The following PFAS variants were observed in gnomAD, a reference collection of about 807,000 sequenced individuals.
PFAS encodes FGAM synthase.
PFAS carries 97 observed loss-of-function variants against 140.6 expected under a neutral mutation model. That is an observed-to-expected ratio of 0.69 (90% CI 0.59 to 0.82). The LOEUF is 0.82. PFAS is among the 40% of genes least tolerant of loss of function. The pLI is 0.00. For synonymous variants in PFAS, 679 were observed against 718.8 expected, an observed-to-expected ratio of 0.94 and a Z score of 0.88; for missense variants, 1,656 against 1,780.2, an observed-to-expected ratio of 0.93 and a Z score of 1.26.
intron 14 of PFAS, 31 bp from the exon 15 acceptor site, chr17:8,263,744 C>G (rs752524031): frequency 6.2e-7 from 1 of 1,610,430 alleles, no homozygotes; most frequent in South Asian, 1.1e-5. Context: ...CCCACTGGCC[C>G]TTCTCTTTCC....
chr17:8,264,956 C>A lies in PFAS; in HGVS notation c.2111C>A (p.Pro704His). Residue 704 changes from proline (P) to histidine (H), a missense_variant, in exon 18 of 28, where the codon CCT becomes CAT. By Grantham distance (77) the Pro-to-His change is moderately conservative. Around this residue, in one of 2 missense-constraint regions of PFAS, gnomAD observed 883 missense variants for 1,023.0 expected, o/e 0.86. Coordinates refer to ENST00000314666, the MANE Select transcript of PFAS (RefSeq NM_012393.3). ...QQQCVGPLQT[P>H]LADVAVVALS... ...CAGTGCGTGGGGCCCCTGCAAACTCCTCTGGCAGATGTAGCGGTTGTGGCA... is the reference window on the plus strand; with the variant it reads ...CAGTGCGTGGGGCCCCTGCAAACTCATCTGGCAGATGTAGCGGTTGTGGCA... 2.5e-6 allele frequency: 4 copies of A among 1,611,700 alleles called. No homozygotes were observed. Among genetic ancestry groups the A allele is most frequent in the Non-Finnish European group, 3.4e-6 (4 of 1,178,726 alleles).
chr17:8,258,343 C>T (rs1989458480), intron 11 of PFAS, 144 bp downstream of exon 11: 3 of 905,370 alleles, frequency 3.3e-6, no homozygotes, highest in African/African-American at 1.7e-5. Context: ...ATGGACAACT[C>T]ATTCTGAGAA....
rs1350656215 is a variant in PFAS, at chr17:8,267,769, T to C, written c.3382+104T>C. On this transcript the variant is annotated intron_variant, in intron 26 of 27. Transcript: ENST00000314666. The surrounding 1 kb of genome is among the most constrained non-coding windows in gnomAD (Gnocchi z 4.9). ...GGATTGGCCTCTCACTCCACCGAGC[T>C]ACGAGAGAGTGGGCCCATTCGTTCT... 3 of 614,538 alleles carry C rather than the reference T, an allele frequency of 4.9e-6. No homozygotes were observed. In the East Asian group the frequency reaches 8.5e-5, roughly 17 times the overall value. 38.1% of individuals were successfully genotyped at this position (614,538 alleles called of 1,614,324 possible).
chr17:8,269,078 C>T lies in PFAS; in HGVS notation c.3831C>T (p.Ser1277=), dbSNP rs1331611827. ...TEQYPLNPNG[S]PGGVAGICSC... is the part of the protein sequence containing the mutation. ...AGTACCCTCTGAATCCCAATGGGTC[C>T]CCAGGGGGCGTGGCTGGCATCTGCT... Residue 1277 remains serine (S), a synonymous_variant, in exon 28 of 28, where the codon TCC becomes TCT. Transcript: ENST00000314666. 1 of 1,614,052 alleles carries T rather than the reference C, an allele frequency of 6.2e-7. No individual in the cohort carries two copies. The highest frequency in any genetic ancestry group is 8.5e-7 in the Non-Finnish European group (1 of 1,180,022).
rs201672276 is a variant in PFAS, at chr17:8,257,879, T to A, written c.1148T>A (p.Ile383Asn). ...TTTGCCCGGCCCCTGGAGGTTGCCATTGAAGCCAGTAATGGAGCTTCTGAC... is the reference window on the plus strand; with the variant it reads ...TTTGCCCGGCCCCTGGAGGTTGCCAATGAAGCCAGTAATGGAGCTTCTGAC... ...GNFARPLEVAIEASNGASDYG... is the reference protein window; with the variant it reads ...GNFARPLEVANEASNGASDYG... Residue 383 changes from isoleucine (I) to asparagine (N), a missense_variant, in exon 10 of 28, where the codon ATT becomes AAT. Transcript: ENST00000314666. 1.2e-6 allele frequency: 2 copies of A among 1,614,162 alleles called. No individual in the cohort carries two copies. The highest frequency in any genetic ancestry group is 1.7e-6 in the Non-Finnish European group (2 of 1,180,012).
At chr17:8,259,324 A>T (rs1989500357) in intron 11 of PFAS, among the ~76,000 whole-genome samples, 1 of 152,008 alleles carries the variant, frequency 6.6e-6, no homozygotes, top group Non-Finnish European at 1.5e-5. Flanking sequence ...AGGCTGAAGA[A>T]CAGTGGTTCT....
Position 8,253,996 on chromosome 17 carries a change from G to T in PFAS, c.59G>T (p.Gly20Val), listed in dbSNP as rs769172804. Residue 20 changes from glycine (G) to valine (V), a missense_variant, in exon 2 of 28, where the codon GGA becomes GTA. This residue lies in a region of PFAS where 773 missense variants were observed against 757.3 expected (regional missense o/e 1.02). Transcript: ENST00000314666. ...RPSGHEGAAPGHTRRKLQGKL... is the reference protein window; with the variant it reads ...RPSGHEGAAPVHTRRKLQGKL... ...TCTGGCCATGAGGGGGCAGCCCCTG[G>T]ACACACTCGGAGGAAACTGCAAGGG... The T allele has an allele frequency of 1.9e-6, 3 of 1,614,132 alleles. No individual in the cohort carries two copies. In the South Asian group the frequency reaches 3.3e-5, roughly 18 times the overall value.
Position 8,263,682 on chromosome 17 carries a change from C to T in PFAS, c.1629+46C>T, listed in dbSNP as rs1208704196. Reference sequence around the variant, plus strand: ...TGTGACATTTTCCCACCCCTGCCAGCCCCAGCCCGCTTCCACCCATCTCTC... The same window carrying T: ...TGTGACATTTTCCCACCCCTGCCAGTCCCAGCCCGCTTCCACCCATCTCTC... On this transcript the variant is annotated intron_variant, in intron 14 of 27. Coordinates refer to ENST00000314666, the MANE Select transcript of PFAS (RefSeq NM_012393.3). 5 of 1,604,276 alleles carry T rather than the reference C, an allele frequency of 3.1e-6. No individual in the cohort carries two copies. In the African/African-American group the frequency reaches 6.7e-5, roughly 21 times the overall value.
intron 11 of PFAS, 32 bp from the exon 12 acceptor site, chr17:8,262,888 C>T (rs1207674050): frequency 1.3e-6 from 2 of 1,575,982 alleles, no homozygotes; most frequent in Admixed American, 3.3e-5. Context: ...GTGGCTTCCC[C>T]AGTGTTCTGA....
chr17:8,264,187 T>TG, intron 15 of PFAS, 25 bp from the exon 16 acceptor site: 1 of 1,613,050 alleles, frequency 6.2e-7, no homozygotes, highest in Non-Finnish European at 8.5e-7. Flanking sequence ...TCATCCCCTC[T>TG]GGGTGGGGTC....
At position 8,259,357 on chromosome 17, in the gene PFAS, A is replaced by G. The variant is rs535212824; in HGVS notation, c.1336+1158A>G. 9.9e-4 allele frequency among the ~76,000 whole-genome samples: 150 copies of G among 152,160 alleles called. 1 individual carries two copies. The highest frequency in any genetic ancestry group is 3.4e-3 in the African/African-American group (141 of 41,532). On this transcript the variant is annotated intron_variant, in intron 11 of 27. Transcript: ENST00000314666. ...TCTGTCCTAGCTCACTGTGGCCTTGAGCTCCTGGGCTCAAGCAGTTCTCCT... is the reference window on the plus strand; with the variant it reads ...TCTGTCCTAGCTCACTGTGGCCTTGGGCTCCTGGGCTCAAGCAGTTCTCCT...
chr17:8,266,610 G>T lies in PFAS; in HGVS notation c.2822-143G>T. ...AAACATCCTCAGTCCTGCCGTCCTAGCCCTCATCCTCCCTGATCCCTACCC... is the reference window on the plus strand; with the variant it reads ...AAACATCCTCAGTCCTGCCGTCCTATCCCTCATCCTCCCTGATCCCTACCC... On this transcript the variant is annotated intron_variant, in intron 22 of 27. Transcript: ENST00000314666. The surrounding 1 kb of genome is among the most constrained non-coding windows in gnomAD (Gnocchi z 5.0). 6.7e-7 allele frequency: 1 copy of T among 1,489,440 alleles called. No homozygotes were observed. Among genetic ancestry groups the T allele is most frequent in the East Asian group, 2.3e-5 (1 of 43,214 alleles). The allele number at this position is 1,489,440 out of a possible 1,614,324, so 92.3% of individuals were successfully genotyped here.
Position 8,258,076 on chromosome 17 carries a change from G to C in PFAS, c.1213G>C (p.Ala405Pro). 4 of 1,614,110 alleles carry C rather than the reference G, an allele frequency of 2.5e-6. No homozygotes were observed. The highest frequency in any genetic ancestry group is 3.4e-6 in the Non-Finnish European group (4 of 1,180,030). Reference sequence around the variant, plus strand: ...CTCTGATGTTCACACTCCAGGCTTCGCCCGCTCCTTGGGCCTCCAGCTCCC... The same window carrying C: ...CTCTGATGTTCACACTCCAGGCTTCCCCCGCTCCTTGGGCCTCCAGCTCCC... ...KFGEPVLAGF[A>P]RSLGLQLPDG... Residue 405 changes from alanine (A) to proline (P), a missense_variant, in exon 11 of 28, where the codon GCC (alanine) becomes CCC (proline). Around this residue, in one of 2 missense-constraint regions of PFAS, gnomAD observed 773 missense variants for 757.3 expected, o/e 1.02. Transcript: ENST00000314666.
chr17:8,247,817 G>T, upstream of PFAS: 1 of 620,924 alleles, frequency 1.6e-6, no homozygotes, highest in Non-Finnish European at 2.9e-6. Flanking sequence ...AGCGGGCGCC[G>T]CGTGAATGAG....
chr17:8,252,502 C>T (rs940240094), intron 1 of PFAS, among the ~76,000 whole-genome samples: 1 of 148,926 alleles, frequency 6.7e-6, no homozygotes, highest in East Asian at 2.0e-4. Flanking sequence ...CTCCCGGGTT[C>T]GAGTGATTCT....
chr17:8,269,154 A>G lies in PFAS; in HGVS notation c.3907A>G (p.Arg1303Gly). 6.2e-7 allele frequency: 1 copy of G among 1,613,812 alleles called. No homozygotes were observed. Among genetic ancestry groups the G allele is most frequent in the Non-Finnish European group, 8.5e-7 (1 of 1,179,980 alleles). Residue 1303 changes from arginine to glycine, a missense_variant, in exon 28 of 28, where the codon AGG becomes GGG. Transcript: ENST00000314666. ...AVMPHPERAV[R>G]PWQWAWRPPP... is the part of the protein sequence containing the mutation. The stretch of plus-strand genomic sequence containing the variant: ...CATGCCTCACCCTGAGCGGGCCGTT[A>G]GGCCTTGGCAGTGGGCATGGCGACC...
At position 8,268,828 on chromosome 17, in the gene PFAS, G is replaced by A; in HGVS notation, c.3678G>A (p.Val1226=). Residue 1226 remains valine (V), a synonymous_variant, in exon 27 of 28, where the codon GTG becomes GTA. Coordinates refer to ENST00000314666, the MANE Select transcript of PFAS (RefSeq NM_012393.3). ...TGCTGCGAGGGATGGAGGGCGCCGT[G>A]CTGCCCGTGTGGAGTGCGCACGGGG... is the stretch of plus-strand genomic sequence containing the variant. The part of the protein sequence containing the change: ...ALMLRGMEGA[V]LPVWSAHGEG... 1 of 1,608,022 alleles carries A rather than the reference G, an allele frequency of 6.2e-7. No homozygotes were observed. The highest frequency in any genetic ancestry group is 8.5e-7 in the Non-Finnish European group (1 of 1,179,838).
intron 1 of PFAS, among the ~76,000 whole-genome samples, chr17:8,251,307 G>A (rs1393501306): frequency 3.9e-5 from 6 of 152,042 alleles, no homozygotes; most frequent in Non-Finnish European, 5.9e-5. Flanking sequence ...AGAAAGACGG[G>A]GTCTTGCTCT....
At position 8,254,180 on chromosome 17, in the gene PFAS, A is replaced by G. The variant is rs753058036; in HGVS notation, c.157A>G (p.Ser53Gly). The part of the protein sequence containing the change: ...NVNWTAEALP[S>G]AEETKKLMWL... ...TCTCCCTGCAGCTGAGGCCCTCCCCAGTGCTGAGGAGACAAAGAAGCTGAT... is the reference window on the plus strand; with the variant it reads ...TCTCCCTGCAGCTGAGGCCCTCCCCGGTGCTGAGGAGACAAAGAAGCTGAT... Residue 53 changes from serine to glycine, a missense_variant, in exon 3 of 28, where the codon AGT becomes GGT. By Grantham distance (56) the Ser-to-Gly change is moderately conservative. Transcript: ENST00000314666. The G allele has an allele frequency of 6.2e-7, 1 of 1,614,158 alleles. No homozygotes were observed. The highest frequency in any genetic ancestry group is 8.5e-7 in the Non-Finnish European group (1 of 1,180,028).
Sources: gnomAD v4.1 joint callset for allele counts (sites outside exome capture counted in the v4.1 genomes callset) on GRCh38, gnomAD v4.1.1 for gene constraint, gnomAD v4.1.1 regional missense constraint, Gnocchi (gnomAD v3.1) non-coding constraint, MANE v1.5 for transcripts, NCBI Gene and HGNC (gene_info 2026-07-23, HGNC 2026-07-21) for gene names.